Variants in OGDH observed in about 807,000 individuals in gnomAD.
OGDH encodes the protein oxoglutarate dehydrogenase.
OGDH carries 38 observed loss-of-function variants against 116.6 expected under a neutral mutation model. The observed-to-expected ratio is 0.33, with a 90% CI of 0.25 to 0.43. OGDH has a LOEUF of 0.43. Among genes scored for constraint, OGDH ranks in the 20% least tolerant of loss-of-function variants. OGDH has a pLI of 1.00. For missense variants in OGDH, 825 were observed against 1,357.2 expected, an observed-to-expected ratio of 0.61 and a Z score of 6.16; for synonymous variants, 488 against 533.3, an observed-to-expected ratio of 0.92 and a Z score of 1.17.
chr7:44,695,253 G>A (rs181293158), intron 12 of OGDH, among the ~76,000 whole-genome samples: 28 of 152,142 alleles, frequency 1.8e-4, no homozygotes, highest in Middle Eastern at 3.4e-3. Context: ...GAGCCACCAC[G>A]CCTAGCTAAT....
intron 14 of OGDH, 23 bp from the exon 15 acceptor site, chr7:44,696,881 CTGCAGCAGCT>C: frequency 1.9e-6 from 3 of 1,575,554 alleles, no homozygotes; most frequent in Non-Finnish European, 2.6e-6. Flanking sequence ...CAGGCAGGGC[CTGCAGCAGCT>C]GGTGAGAGCT....
intron 10 of OGDH, among the ~76,000 whole-genome samples, chr7:44,684,322 A>T (rs748234150): frequency 6.6e-6 from 1 of 152,184 alleles, no homozygotes; most frequent in Non-Finnish European, 1.5e-5. Flanking sequence ...AATTGATTAG[A>T]GGAGGACAGA....
chr7:44,650,986 C>A (rs1786416201), intron 4 of OGDH, among the ~76,000 whole-genome samples: 1 of 152,222 alleles, frequency 6.6e-6, no homozygotes, highest in Non-Finnish European at 1.5e-5. Context: ...AGGCTCACAG[C>A]AGTGATCATA....
In OGDH at chr7:44,708,203, C is replaced by T; in HGVS notation, c.*204C>T. ...CCACAGGCCACACGCTGCCCAGGCTCTGCTGACTTCTGAGCAGTTTTCCAG... is the reference window on the plus strand; with the variant it reads ...CCACAGGCCACACGCTGCCCAGGCTTTGCTGACTTCTGAGCAGTTTTCCAG... On this transcript the variant is annotated 3_prime_UTR_variant, in exon 23 of 23. Transcript: ENST00000222673. 2 of 647,238 alleles carry T rather than the reference C, an allele frequency of 3.1e-6. No individual in the cohort carries two copies. Among genetic ancestry groups the T allele is most frequent in the Non-Finnish European group, 5.0e-6 (2 of 397,882 alleles). The allele number at this position is 647,238 out of a possible 1,614,324, so 40.1% of individuals were successfully genotyped here.
chr7:44,607,632 A>G (rs1159701764), intron 1 of OGDH, among the ~76,000 whole-genome samples: 1 of 151,892 alleles, frequency 6.6e-6, no homozygotes, highest in East Asian at 1.9e-4. Flanking sequence ...ATGTAACACT[A>G]TTGTAGTTTT....
intron 1 of OGDH, chr7:44,622,784 G>C (rs1785052646): frequency 6.6e-6 from 1 of 152,210 alleles, no homozygotes; most frequent in Non-Finnish European, 1.5e-5. Flanking sequence ...ATGTAGGCCA[G>C]CAAGCACCTT....
chr7:44,663,229 AT>A (rs1184588057), intron 4 of OGDH, among the ~76,000 whole-genome samples: 1 of 151,884 alleles, frequency 6.6e-6, no homozygotes, highest in East Asian at 1.9e-4. Context: ...ATGTTTTTTG[AT>A]TTTTTAAAAA....
At position 44,697,702 on chromosome 7, in the gene OGDH, C is replaced by T; in HGVS notation, c.2278C>T (p.Gln760Ter). 6.2e-7 allele frequency: 1 copy of T among 1,614,266 alleles called. No homozygotes were observed. The highest frequency in any genetic ancestry group is 8.5e-7 in the Non-Finnish European group (1 of 1,180,044). The change falls in exon 17 of 23, where the codon CAG becomes TAG. Residue 760 changes from glutamine to a stop codon, truncating the protein, a stop_gained. Transcript: ENST00000222673. LOFTEE classifies it high-confidence loss of function. The surrounding 1 kb of genome is among the most constrained non-coding windows in gnomAD (Gnocchi z 6.0). ...FHNTAQCIID[Q>*]FICPGQAKWV... ...CAACACGGCCCAGTGTATCATCGACCAGTTCATCTGCCCGGGACAAGCCAA... is the reference window on the plus strand; with the variant it reads ...CAACACGGCCCAGTGTATCATCGACTAGTTCATCTGCCCGGGACAAGCCAA...
At chr7:44,660,543 GC>G (rs1278062138) in intron 4 of OGDH, among the ~76,000 whole-genome samples, 1 of 152,054 alleles carries the variant, frequency 6.6e-6, no homozygotes, top group Non-Finnish European at 1.5e-5. Context: ...TTAAAAAATG[GC>G]CCACCATATT....
At chr7:44,614,858 A>G (rs568964866) in intron 1 of OGDH, among the ~76,000 whole-genome samples, 2 of 120,526 alleles carry the variant, frequency 1.7e-5, no homozygotes, top group African/African-American at 3.2e-5. Context: ...TTTTTTTGAG[A>G]TGAAGTCTCG....
chr7:44,654,474 T>C (rs1438384315), intron 4 of OGDH, among the ~76,000 whole-genome samples: 2 of 152,318 alleles, frequency 1.3e-5, no homozygotes, highest in African/African-American at 4.8e-5. Context: ...CTTTGATGGC[T>C]GAGAAAAATA....
intron 10 of OGDH, among the ~76,000 whole-genome samples, chr7:44,692,342 G>A (rs1230277948): frequency 6.6e-6 from 1 of 152,228 alleles, no homozygotes; most frequent in African/African-American, 2.4e-5. Flanking sequence ...ACTAAAGGAA[G>A]TATAGCTACA....
At chr7:44,612,422 G>A (rs988881287) in intron 1 of OGDH, among the ~76,000 whole-genome samples, 1 of 151,320 alleles carries the variant, frequency 6.6e-6, no homozygotes, top group Non-Finnish European at 1.5e-5. Context: ...TTACTCTGTT[G>A]CCCAGGCTGG....
chr7:44,701,018 C>A (rs571143622), intron 19 of OGDH, among the ~76,000 whole-genome samples: 2 of 152,046 alleles, frequency 1.3e-5, no homozygotes, highest in Non-Finnish European at 2.9e-5. Context: ...AGCGAGACTC[C>A]GTCTCAAAAA....
intron 20 of OGDH, among the ~76,000 whole-genome samples, chr7:44,706,564 G>T (rs1384048221): frequency 4.0e-5 from 6 of 149,650 alleles, no homozygotes; most frequent in East Asian, 2.0e-4. Flanking sequence ...CAGGTGATCC[G>T]CCTGCCTCAG....
intron 9 of OGDH, 48 bp from the exon 10 acceptor site, chr7:44,681,672 T>C: frequency 6.3e-7 from 1 of 1,585,670 alleles, no homozygotes; most frequent in Non-Finnish European, 8.6e-7. Flanking sequence ...CCTTGTGGAC[T>C]TGGCAATCAG....
At chr7:44,634,191 G>T (rs1044239892) in intron 2 of OGDH, among the ~76,000 whole-genome samples, 1 of 152,222 alleles carries the variant, frequency 6.6e-6, no homozygotes, top group South Asian at 2.1e-4. Context: ...CCAGTAGGCC[G>T]GAGCGATTCC....
At chr7:44,634,111 G>T (rs1430812705) in intron 2 of OGDH, among the ~76,000 whole-genome samples, 1 of 152,218 alleles carries the variant, frequency 6.6e-6, no homozygotes, top group Admixed American at 6.5e-5. Context: ...CTCACACCAG[G>T]CTAGAAGCCA....
rs746426561 is a variant in OGDH, at chr7:44,624,453, T to G, written c.110T>G (p.Ile37Ser). 1.9e-6 allele frequency: 3 copies of G among 1,613,894 alleles called. No individual in the cohort carries two copies. The East Asian group carries it at 6.7e-5, about 36-fold the overall frequency. ...RPAAARTFQQ[I>S]RCYSAPVAAE... ...GCAGCAGCTAGGACATTTCAACAGA[T>G]TCGGTGCTATTCTGCACCTGTTGCT... is the stretch of plus-strand genomic sequence containing the variant. Residue 37 changes from isoleucine (I) to serine (S), a missense_variant, in exon 2 of 23, where the codon ATT (isoleucine) becomes AGT (serine). By Grantham distance (142) the Ile-to-Ser change is moderately radical. Around this residue, in one of 7 missense-constraint regions of OGDH, gnomAD observed 126 missense variants for 130.4 expected, o/e 0.97. Transcript: ENST00000222673.
Sources: gnomAD v4.1 joint callset for allele counts (sites outside exome capture counted in the v4.1 genomes callset) on GRCh38, gnomAD v4.1.1 for gene constraint, gnomAD v4.1.1 regional missense constraint, Gnocchi (gnomAD v3.1) non-coding constraint, MANE v1.5 for transcripts, NCBI Gene and HGNC (gene_info 2026-07-23, HGNC 2026-07-21) for gene names.